The following LINGO2 variants were observed in gnomAD, a reference collection of about 807,000 sequenced individuals.
LINGO2 encodes the protein leucine-rich repeat and immunoglobulin-like domain-containing nogo receptor-interacting protein 2.
Under a neutral mutation model 30.6 loss-of-function variants are expected in LINGO2, and 14 were observed. The ratio of observed to expected loss-of-function variants is 0.46; its 90% CI spans 0.30 to 0.72. LINGO2 has a LOEUF of 0.72. LINGO2 is among the 30% of genes least tolerant of loss of function. The probability of loss-of-function intolerance (pLI) is 0.07; values close to 1 mark genes in which losing one functional copy is unlikely to be tolerated. For missense variants in LINGO2, 729 were observed against 751.7 expected, an observed-to-expected ratio of 0.97 and a Z score of 0.35; for synonymous variants, 317 against 288.5, an observed-to-expected ratio of 1.10 and a Z score of -1.00.
intron 5 of LINGO2, among the ~76,000 whole-genome samples, chr9:28,008,800 C>T (rs564214873): frequency 4.6e-5 from 7 of 152,084 alleles, no homozygotes; most frequent in East Asian, 1.9e-4. Context: ...ATATGTTCAC[C>T]GATTGAAAGG....
chr9:28,542,222 G>A (rs1821730908), intron 1 of LINGO2, among the ~76,000 whole-genome samples: 1 of 151,520 alleles, frequency 6.6e-6, no homozygotes, highest in African/African-American at 2.4e-5. Flanking sequence ...ATCAGGTGCT[G>A]GATGGGTAAG....
At chr9:28,085,472 G>A (rs1473005468) in intron 4 of LINGO2, among the ~76,000 whole-genome samples, 1 of 152,070 alleles carries the variant, frequency 6.6e-6, no homozygotes, top group Non-Finnish European at 1.5e-5. Flanking sequence ...GCTTTAACGT[G>A]AGAAAGCAAG....
intron 4 of LINGO2, among the ~76,000 whole-genome samples, chr9:28,224,217 A>C (rs1821066814): frequency 6.6e-6 from 1 of 152,070 alleles, no homozygotes. Flanking sequence ...GGTGCCCGCC[A>C]CCATGCCCAG....
At chr9:28,664,519 C>T (rs1417526453) in intron 1 of LINGO2, among the ~76,000 whole-genome samples, 1 of 151,948 alleles carries the variant, frequency 6.6e-6, no homozygotes, top group East Asian at 1.9e-4. Flanking sequence ...GTCAATTTAA[C>T]ATTTTGAGAT....
intron 4 of LINGO2, among the ~76,000 whole-genome samples, chr9:28,198,952 T>C (rs1820115817): frequency 6.6e-6 from 1 of 152,230 alleles, no homozygotes; most frequent in South Asian, 2.1e-4. Context: ...AGTCTGGCAA[T>C]TCTTTTCATT....
intron 4 of LINGO2, among the ~76,000 whole-genome samples, chr9:28,231,067 T>G (rs761856159): frequency 6.6e-6 from 1 of 151,778 alleles, no homozygotes; most frequent in East Asian, 1.9e-4. Flanking sequence ...ATATATAATA[T>G]AGAGACCTCA....
At chr9:28,317,530 T>G (rs1331581341) in intron 3 of LINGO2, among the ~76,000 whole-genome samples, 1 of 152,148 alleles carries the variant, frequency 6.6e-6, no homozygotes, top group South Asian at 2.1e-4. Flanking sequence ...GTAGAGCTGT[T>G]CAAGGTGAAA....
At chr9:28,237,080 A>G (rs182077248) in intron 4 of LINGO2, among the ~76,000 whole-genome samples, 1 of 136,996 alleles carries the variant, frequency 7.3e-6, no homozygotes, top group Non-Finnish European at 1.6e-5. Flanking sequence ...GACACAGTAC[A>G]GTAAGTCACA....
intron 4 of LINGO2, among the ~76,000 whole-genome samples, chr9:28,062,539 T>C (rs1825178899): frequency 6.9e-6 from 1 of 145,636 alleles, no homozygotes; most frequent in African/African-American, 2.5e-5. Flanking sequence ...TATACATATA[T>C]ACTATATATT....
intron 5 of LINGO2, among the ~76,000 whole-genome samples, chr9:27,991,879 G>T (rs185958785): frequency 5.3e-4 from 81 of 152,138 alleles, no homozygotes; most frequent in Middle Eastern, 3.4e-3. Flanking sequence ...TTTCAGCTGA[G>T]CTGCCTTCCA....
the LINGO2 span, among the ~76,000 whole-genome samples, chr9:29,092,362 A>C: frequency 6.6e-6 from 1 of 151,966 alleles, no homozygotes; most frequent in East Asian, 1.9e-4. Context: ...TATCCCCAAA[A>C]AAGGATATTC....
At chr9:28,075,014 C>A (rs1456615102) in intron 4 of LINGO2, among the ~76,000 whole-genome samples, 1 of 151,316 alleles carries the variant, frequency 6.6e-6, no homozygotes, top group Non-Finnish European at 1.5e-5. Context: ...GCTAATAGGA[C>A]AACCACATTC....
chr9:27,948,800 C>T (rs771759924), exon 6 of LINGO2: 1 of 1,556,348 alleles, frequency 6.4e-7, no homozygotes, highest in African/African-American at 1.4e-5. Flanking sequence ...GCCATACTGT[C>T]TTACTGATTA....
chr9:28,077,357 G>A (rs1223770913), intron 4 of LINGO2, among the ~76,000 whole-genome samples: 1 of 152,144 alleles, frequency 6.6e-6, no homozygotes, highest in South Asian at 2.1e-4. Flanking sequence ...ATCTAATCAA[G>A]TGAGTCTTAC....
the LINGO2 span, among the ~76,000 whole-genome samples, chr9:28,712,478 G>C: frequency 1.3e-5 from 2 of 150,668 alleles, no homozygotes; most frequent in African/African-American, 2.4e-5. Context: ...AGTAGCTCAA[G>C]CTCTGAATCT....
chr9:28,888,943 T>A, the LINGO2 span: 9 of 532,364 alleles, frequency 1.7e-5, no homozygotes, highest in Non-Finnish European at 2.7e-5. Context: ...CACAAGTTCC[T>A]GCAAATGCAC....
intron 2 of LINGO2, among the ~76,000 whole-genome samples, chr9:28,401,219 T>A (rs1822250412): frequency 6.6e-6 from 1 of 152,164 alleles, no homozygotes; most frequent in Non-Finnish European, 1.5e-5. Context: ...ACAGATTTGT[T>A]ACATAGGTAT....
chr9:28,988,020 C>T, the LINGO2 span, among the ~76,000 whole-genome samples: 1 of 152,142 alleles, frequency 6.6e-6, no homozygotes, highest in African/African-American at 2.4e-5. Flanking sequence ...GTTGGATGAA[C>T]TGTTTTATGC....
chr9:28,046,294 T>C (rs1198011), intron 4 of LINGO2, among the ~76,000 whole-genome samples: 139,119 of 152,206 alleles, frequency 0.91, 64,119 homozygotes, highest in Non-Finnish European at 0.98. Context: ...ATTAAGAATT[T>C]ATCTAGGTTA....
Sources: gnomAD v4.1 joint callset for allele counts (sites outside exome capture counted in the v4.1 genomes callset) on GRCh38, gnomAD v4.1.1 for gene constraint, MANE v1.5 for transcripts, NCBI Gene and HGNC (gene_info 2026-07-23, HGNC 2026-07-21) for gene names.